The following PLK2 variants were observed in gnomAD, a reference collection of about 807,000 sequenced individuals.
The protein encoded by PLK2 is serine/threonine-protein kinase PLK2.
A neutral mutation model predicts 78.1 loss-of-function variants in PLK2; 25 were observed. The ratio of observed to expected loss-of-function variants is 0.32; its 90% CI spans 0.23 to 0.45. The LOEUF (loss-of-function observed/expected upper bound fraction) is 0.45. Ranked by LOEUF, PLK2 falls within the 20% of genes least tolerant of loss-of-function variation. PLK2 has a pLI of 1.00. For missense variants in PLK2, 566 were observed against 840.2 expected (o/e 0.67, Z 4.04); for synonymous variants, 332 against 298.2 (o/e 1.11, Z -1.17).
intron 1 of PLK2, chr5:58,459,330 T>G: frequency 3.5e-6 from 2 of 576,850 alleles, no homozygotes; most frequent in Non-Finnish European, 6.1e-6. Context: ...GGGAGCTTTA[T>G]GGAGGGAGTT....
At position 58,456,604 on chromosome 5, in the gene PLK2, A is replaced by G; in HGVS notation, c.1157-15T>C. The G allele has an allele frequency of 7.1e-7, 1 of 1,413,818 alleles. No homozygotes were observed. The highest frequency in any genetic ancestry group is 1.0e-6 in the Non-Finnish European group (1 of 1,002,490). The allele number at this position is 1,413,818 out of a possible 1,614,324, so 87.6% of individuals were successfully genotyped here. A position where few individuals can be genotyped will look rare whatever the true frequency, so the allele number is the denominator to read the frequency against. On this transcript the variant is annotated splice_polypyrimidine_tract_variant and intron_variant, in intron 8 of 13. Coordinates refer to ENST00000274289, the MANE Select transcript of PLK2 (RefSeq NM_006622.4). The stretch of plus-strand genomic sequence containing the variant: ...AGACACTCTATCTGTATATCAAGAA[A>G]CAGAATTACAAACATTAGTCTATCT...
chr5:58,458,343 A>C (rs760011990), intron 4 of PLK2, 56 bp downstream of exon 4: 2 of 1,574,504 alleles, frequency 1.3e-6, no homozygotes, highest in Admixed American at 3.3e-5. Flanking sequence ...AAAAAAAAAC[A>C]GAGAGAGAAA....
chr5:58,454,876 A>G (rs751111473), intron 13 of PLK2, 35 bp downstream of exon 13: 1 of 1,484,418 alleles, frequency 6.7e-7, no homozygotes, highest in South Asian at 1.1e-5. Flanking sequence ...TCTGTTTAGG[A>G]CCTAAACGTG....
chr5:58,459,659 GC>G, intron 1 of PLK2, 30 bp downstream of exon 1: 1 of 1,519,542 alleles, frequency 6.6e-7, no homozygotes, highest in Non-Finnish European at 8.8e-7. Context: ...CCTCCCGCCC[GC>G]CCGGCAGCCC....
At position 58,456,981 on chromosome 5, in the gene PLK2, C is replaced by T. The variant is rs1287547931; in HGVS notation, c.1120G>A (p.Gly374Ser). 6.2e-7 allele frequency: 1 copy of T among 1,607,292 alleles called. No individual in the cohort carries two copies. The highest frequency in any genetic ancestry group is 2.2e-5 in the East Asian group (1 of 44,832). ...ATATATCTTGCTTTGTCTTTTTTGC[C>T]ACCAAAAAGAGCAGCAGCTGCTTTC... is the stretch of plus-strand genomic sequence containing the variant. ...FKKAAAALFG[G>S]KKDKARYIDT... The change falls in exon 8 of 14, where the codon GGC becomes AGC. Residue 374 changes from glycine to serine, a missense_variant. By Grantham distance (56) the Gly-to-Ser change is moderately conservative (BLOSUM62 0). Coordinates refer to ENST00000274289, the MANE Select transcript of PLK2 (RefSeq NM_006622.4).
At position 58,459,823 on chromosome 5, in the gene PLK2, T is replaced by C. The variant is rs1201412166; in HGVS notation, c.137A>G (p.Gln46Arg). 4.3e-6 allele frequency: 7 copies of C among 1,610,032 alleles called. No homozygotes were observed. Among genetic ancestry groups the C allele is most frequent in the Non-Finnish European group, 5.9e-6 (7 of 1,179,842 alleles). Residue 46 changes from glutamine to arginine, a missense_variant, in exon 1 of 14, where the codon CAG becomes CGG. Physicochemically the swap from Gln to Arg is conservative, Grantham distance 43 (BLOSUM62 1). This residue lies in a region of PLK2 where 127 missense variants were observed against 122.5 expected (regional missense o/e 1.04). Transcript: ENST00000274289. Reference protein sequence around the residue: ...PQPPEESQPPQSQAQVPPAAP... With the variant: ...PQPPEESQPPRSQAQVPPAAP... ...CGCCGGGGGCACTTGCGCCTGGGAC[T>C]GAGGTGGCTGCGATTCCTCGGGGGG...
In PLK2 at chr5:58,457,268, G is replaced by A; in HGVS notation, c.921C>T (p.Ala307=). The change falls in exon 7 of 14, where the codon GCC becomes GCT. Residue 307 remains alanine, a synonymous_variant. Coordinates refer to ENST00000274289, the MANE Select transcript of PLK2 (RefSeq NM_006622.4). ...ACAACATACTAGCAATTAAGTGCTTGGCAGGAGCCAGCAATGAGGACGGCA... is the reference window on the plus strand; with the variant it reads ...ACAACATACTAGCAATTAAGTGCTTAGCAGGAGCCAGCAATGAGGACGGCA... ...YTMPSSLLAP[A]KHLIASMLSK... 6.2e-7 allele frequency: 1 copy of A among 1,613,950 alleles called. No individual in the cohort carries two copies.
Position 58,455,398 on chromosome 5 carries a change from C to T in PLK2, c.1642G>A (p.Ala548Thr), listed in dbSNP as rs1358636691. The change falls in exon 12 of 14, where the codon GCA becomes ACA. Residue 548 changes from alanine (A) to threonine (T), a missense_variant. By Grantham distance (58) the Ala-to-Thr change is moderately conservative. This residue lies in a region of PLK2 where 130 missense variants were observed against 196.4 expected (regional missense o/e 0.66). Coordinates refer to ENST00000274289, the MANE Select transcript of PLK2 (RefSeq NM_006622.4). Reference sequence around the variant, plus strand: ...AAAACTGAGCATTGGCCAAGCTCTGCGTAATAGTGAACTGTTCTATAAAAA... The same window carrying T: ...AAAACTGAGCATTGGCCAAGCTCTGTGTAATAGTGAACTGTTCTATAAAAA... ...LPDKKTVHYY[A>T]ELGQCSVFPA... 5 of 1,613,600 alleles carry T rather than the reference C, an allele frequency of 3.1e-6. No individual in the cohort carries two copies. Among genetic ancestry groups the T allele is most frequent in the Non-Finnish European group, 2.5e-6 (3 of 1,179,884 alleles).
chr5:58,456,274 C>T lies in PLK2; in HGVS notation c.1255-119G>A, dbSNP rs150709643. The T allele has an allele frequency of 1.7e-4, 167 of 976,980 alleles. No individual in the cohort carries two copies. The East Asian group carries it at 2.8e-3, about 16-fold the overall frequency. 60.5% of individuals were successfully genotyped at this position (976,980 alleles called of 1,614,324 possible). ...GGAAAGCTCATCAAAAAGCAATGGACACAAGCCAGATAAAAGATAACGCAG... is the reference window on the plus strand; with the variant it reads ...GGAAAGCTCATCAAAAAGCAATGGATACAAGCCAGATAAAAGATAACGCAG... On this transcript the variant is annotated intron_variant, in intron 9 of 13. Transcript: ENST00000274289.
rs760424820 is a variant in PLK2, at chr5:58,457,232, T to C, written c.957A>G (p.Pro319=). The change falls in exon 7 of 14, where the codon CCA becomes CCG. Residue 319 remains proline (P), a synonymous_variant. Coordinates refer to ENST00000274289, the MANE Select transcript of PLK2 (RefSeq NM_006622.4). Reference sequence around the variant, plus strand: ...TGTCATCCAAACTGGGACGATCCTCTGGGTTTTTGGACAACATACTAGCAA... The same window carrying C: ...TGTCATCCAAACTGGGACGATCCTCCGGGTTTTTGGACAACATACTAGCAA... The part of the protein sequence containing the change: ...HLIASMLSKN[P]EDRPSLDDII... 2 of 1,614,138 alleles carry C rather than the reference T, an allele frequency of 1.2e-6. No homozygotes were observed. Among genetic ancestry groups the C allele is most frequent in the South Asian group, 2.2e-5 (2 of 91,080 alleles).
intron 13 of PLK2, 55 bp from the exon 14 acceptor site, chr5:58,454,829 G>A: frequency 6.7e-7 from 1 of 1,503,290 alleles, no homozygotes; most frequent in East Asian, 2.3e-5. Context: ...AATTAGAAAA[G>A]TTCAGTCAAT....
At chr5:58,455,851 C>G (rs1485378035) in intron 10 of PLK2, 72 bp from the exon 11 acceptor site, 2 of 1,555,550 alleles carry the variant, frequency 1.3e-6, no homozygotes, top group African/African-American at 2.7e-5. Context: ...TTGGTAGATG[C>G]TAAGTTTCAC....
At chr5:58,456,268 A>G (rs1743600758) in intron 9 of PLK2, 113 bp from the exon 10 acceptor site, 4 of 1,022,060 alleles carry the variant, frequency 3.9e-6, no homozygotes, top group Non-Finnish European at 5.8e-6. Flanking sequence ...ATCAAAAAGC[A>G]ATGGACACAA....
Position 58,454,894 on chromosome 5 carries a change from C to T in PLK2, c.1866+17G>A. 1 of 1,547,918 alleles carries T rather than the reference C, an allele frequency of 6.5e-7. No individual in the cohort carries two copies. The highest frequency in any genetic ancestry group is 8.9e-7 in the Non-Finnish European group (1 of 1,119,720). ...GTTTAGGACCTAAACGTGCACTTTC[C>T]TGAAGAGTTCATTTACCTGAAAGGT... On this transcript the variant is annotated intron_variant, in intron 13 of 13. Transcript: ENST00000274289.
In PLK2 at chr5:58,455,616, A is replaced by G. The variant is rs1042994; in HGVS notation, c.1548T>C (p.Phe516=). ...CGGTGTGGTCTGAGAGCTGGTACCC[A>G]AAGCCATATTTGTTAGAGTAATCAA... ...KWVDYSNKYG[F]GYQLSDHTVG... Residue 516 remains phenylalanine, a synonymous_variant, in exon 11 of 14, where the codon TTT becomes TTC. Coordinates refer to ENST00000274289, the MANE Select transcript of PLK2 (RefSeq NM_006622.4). 199,523 of 1,613,556 alleles carry G rather than the reference A, an allele frequency of 0.12. 13,884 individuals are homozygous for G. Among genetic ancestry groups the G allele is most frequent in the Admixed American group, 0.22 (13,027 of 59,942 alleles).
intron 1 of PLK2, chr5:58,459,417 G>T (rs1579966253): frequency 5.3e-6 from 3 of 564,452 alleles, no homozygotes; most frequent in East Asian, 2.9e-5. Context: ...GAGGGAGAGA[G>T]GTCTGATGTA....
chr5:58,458,062 G>A (rs767676869), intron 5 of PLK2, 22 bp downstream of exon 5: 3 of 1,482,780 alleles, frequency 2.0e-6, no homozygotes, highest in Admixed American at 3.3e-5. Context: ...AGTCTACTAG[G>A]ATGCATCTTT....
chr5:58,456,303 A>G, intron 9 of PLK2, 148 bp from the exon 10 acceptor site: 2 of 822,162 alleles, frequency 2.4e-6, no homozygotes, highest in Admixed American at 5.6e-5. Context: ...AACGCAGTAA[A>G]CTCACTTGCA....
rs907322219 is a variant in PLK2 at position 58,456,335 on chromosome 5, T to G, written c.1254+157A>C. ...TGCATGCACTGTAAAACTAAAAGAC[T>G]TCCTTTTAGTTTTAACTTCCCTTTC... On this transcript the variant is annotated intron_variant, in intron 9 of 13. Coordinates refer to ENST00000274289, the MANE Select transcript of PLK2 (RefSeq NM_006622.4). 4 of 756,092 alleles carry G rather than the reference T, an allele frequency of 5.3e-6. No individual in the cohort carries two copies. In the African/African-American group the frequency reaches 5.3e-5, roughly 10 times the overall value. 46.8% of individuals were successfully genotyped at this position (756,092 alleles called of 1,614,324 possible). A position where few individuals can be genotyped will look rare whatever the true frequency, so the allele number is the denominator to read the frequency against.
Sources: gnomAD v4.1 joint callset for allele counts on GRCh38, gnomAD v4.1.1 for gene constraint, gnomAD v4.1.1 regional missense constraint, MANE v1.5 for transcripts, NCBI Gene and HGNC (gene_info 2026-07-23, HGNC 2026-07-21) for gene names.